The following SLC24A2 variants were observed in gnomAD, a reference collection of about 807,000 sequenced individuals.
SLC24A2 encodes the protein sodium/potassium/calcium exchanger 2.
SLC24A2 carries 36 observed loss-of-function variants against 62.0 expected under a neutral mutation model. The observed-to-expected ratio is 0.58, with a 90% CI of 0.44 to 0.77. The LOEUF is 0.77. SLC24A2 is among the 30% of genes least tolerant of loss of function. The pLI is 0.00. For missense variants in SLC24A2, 846 were observed against 817.9 expected (o/e 1.03, Z -0.42); for synonymous variants, 358 against 294.0 (o/e 1.22, Z -2.23).
the SLC24A2 span, among the ~76,000 whole-genome samples, chr9:20,199,852 G>A: frequency 1.3e-5 from 2 of 150,358 alleles, no homozygotes; most frequent in Non-Finnish European, 3.0e-5. Flanking sequence ...CTGAGGAGCT[G>A]GGATTACAGG....
At chr9:19,701,457 T>C (rs1412321554) in intron 2 of SLC24A2, among the ~76,000 whole-genome samples, 1 of 152,096 alleles carries the variant, frequency 6.6e-6, no homozygotes, top group African/African-American at 2.4e-5. Context: ...CCCCCGCACT[T>C]TGGGTGGAAG....
At chr9:20,205,412 G>A in the SLC24A2 span, among the ~76,000 whole-genome samples, 1 of 152,114 alleles carries the variant, frequency 6.6e-6, no homozygotes, top group African/African-American at 2.4e-5. Flanking sequence ...ACTTTGGGAG[G>A]CCGAGGCAGG....
intron 2 of SLC24A2, among the ~76,000 whole-genome samples, chr9:19,663,343 C>T (rs1339034365): frequency 1.3e-5 from 2 of 152,172 alleles, no homozygotes; most frequent in Non-Finnish European, 2.9e-5. Context: ...GAGCAGAAGC[C>T]TTCCGATCGC....
chr9:20,301,125 C>A, the SLC24A2 span, among the ~76,000 whole-genome samples: 1 of 152,194 alleles, frequency 6.6e-6, no homozygotes, highest in Non-Finnish European at 1.5e-5. Context: ...CCCAAGCAAA[C>A]AAGAGCAAAA....
At chr9:19,643,971 T>C (rs1818573057) in intron 2 of SLC24A2, among the ~76,000 whole-genome samples, 1 of 152,250 alleles carries the variant, frequency 6.6e-6, no homozygotes, top group Non-Finnish European at 1.5e-5. Flanking sequence ...GAAATTTCTC[T>C]TATTTGTAAA....
chr9:20,198,695 C>T, the SLC24A2 span, among the ~76,000 whole-genome samples: 5 of 152,012 alleles, frequency 3.3e-5, no homozygotes, highest in African/African-American at 7.2e-5. Flanking sequence ...CCACCCCCAC[C>T]CCCTTCTCTC....
At chr9:19,874,848 G>C in the SLC24A2 span, among the ~76,000 whole-genome samples, 1 of 152,162 alleles carries the variant, frequency 6.6e-6, no homozygotes, top group Middle Eastern at 3.4e-3. Flanking sequence ...CAGAGGTATT[G>C]TTCTTCAATT....
chr9:20,204,909 AATTTT>A, the SLC24A2 span, among the ~76,000 whole-genome samples: 1 of 151,796 alleles, frequency 6.6e-6, no homozygotes, highest in Admixed American at 6.6e-5. Flanking sequence ...ACACTCGGCT[AATTTT>A]TTTTCTATTT....
At chr9:19,711,736 T>G (rs1443993170) in intron 2 of SLC24A2, among the ~76,000 whole-genome samples, 1 of 152,156 alleles carries the variant, frequency 6.6e-6, no homozygotes, top group Non-Finnish European at 1.5e-5. Flanking sequence ...ATTTTTAAAG[T>G]TGGAAAACAG....
chr9:20,221,346 T>C, the SLC24A2 span, among the ~76,000 whole-genome samples: 7 of 151,978 alleles, frequency 4.6e-5, no homozygotes, highest in African/African-American at 1.7e-4. Context: ...GGGCTTATTT[T>C]TAAGTTAGAA....
the SLC24A2 span, among the ~76,000 whole-genome samples, chr9:20,139,672 C>G: frequency 1.3e-5 from 2 of 152,102 alleles, no homozygotes; most frequent in African/African-American, 2.4e-5. Flanking sequence ...AATATAGACC[C>G]AAGACTCACT....
the SLC24A2 span, among the ~76,000 whole-genome samples, chr9:20,002,478 G>A: frequency 6.6e-6 from 1 of 151,588 alleles, no homozygotes; most frequent in African/African-American, 2.4e-5. Context: ...AGCACAAAAG[G>A]AGTGTCACTG....
chr9:19,863,526 A>G, the SLC24A2 span, among the ~76,000 whole-genome samples: 1 of 152,094 alleles, frequency 6.6e-6, no homozygotes, highest in Non-Finnish European at 1.5e-5. Context: ...TCCTCTGACC[A>G]TAATGGAATA....
chr9:19,848,887 C>G, the SLC24A2 span, among the ~76,000 whole-genome samples: 2 of 152,196 alleles, frequency 1.3e-5, no homozygotes, highest in African/African-American at 4.8e-5. Flanking sequence ...CTGAAATAAT[C>G]TGAATTCTAA....
At chr9:20,125,714 C>A in the SLC24A2 span, among the ~76,000 whole-genome samples, 1 of 152,134 alleles carries the variant, frequency 6.6e-6, no homozygotes, top group Non-Finnish European at 1.5e-5. Flanking sequence ...CACTCTAGCC[C>A]ATGGTGGTGA....
chr9:19,998,168 T>G, the SLC24A2 span, among the ~76,000 whole-genome samples: 3 of 152,214 alleles, frequency 2.0e-5, no homozygotes, highest in Admixed American at 6.5e-5. Context: ...TAATTATCAT[T>G]TTCTCCATTT....
intron 2 of SLC24A2, among the ~76,000 whole-genome samples, chr9:19,705,106 T>C (rs1408757065): frequency 1.3e-5 from 2 of 152,212 alleles, no homozygotes; most frequent in Non-Finnish European, 2.9e-5. Context: ...CAGCATATGA[T>C]GGTAAGAAAA....
chr9:19,970,552 T>C, the SLC24A2 span, among the ~76,000 whole-genome samples: 1 of 152,344 alleles, frequency 6.6e-6, no homozygotes, highest in South Asian at 2.1e-4. Context: ...GCAAGTTTTA[T>C]GAGAAAAGCA....
chr9:20,080,282 T>C, the SLC24A2 span, among the ~76,000 whole-genome samples: 88 of 152,304 alleles, frequency 5.8e-4, 1 homozygote, highest in East Asian at 0.017. Flanking sequence ...AACAGAGATA[T>C]AGACCAATGG....
Sources: allele counts gnomAD v4.1 joint callset (sites outside exome capture counted in the v4.1 genomes callset), GRCh38; gene constraint gnomAD v4.1.1; transcripts MANE v1.5; gene names NCBI Gene and HGNC (gene_info 2026-07-23, HGNC 2026-07-21).